ELMO1: variants seen among roughly 807,000 people sequenced by gnomAD.
The protein encoded by ELMO1 is engulfment and cell motility 1, also known as engulfment and cell motility protein 1.
Under a neutral mutation model 98.9 loss-of-function variants are expected in ELMO1, and 26 were observed. The observed-to-expected ratio is 0.26, with a 90% CI of 0.19 to 0.36. ELMO1 has a LOEUF of 0.36. Among genes scored for constraint, ELMO1 ranks in the 10% least tolerant of loss-of-function variants. The pLI is 1.00. For missense variants in ELMO1, 627 were observed against 935.2 expected, an observed-to-expected ratio of 0.67 and a Z score of 4.30; for synonymous variants, 346 against 346.0, an observed-to-expected ratio of 1.00 and a Z score of 0.00.
intron 14 of ELMO1, among the ~76,000 whole-genome samples, chr7:37,111,045 T>G (rs1194424957): frequency 6.6e-6 from 1 of 152,238 alleles, no homozygotes; most frequent in Non-Finnish European, 1.5e-5. Flanking sequence ...TCTACCAGCA[T>G]CAGCTGCCCC....
intron 21 of ELMO1, among the ~76,000 whole-genome samples, chr7:36,859,679 T>G (rs1802465673): frequency 1.3e-5 from 2 of 152,198 alleles, no homozygotes; most frequent in Admixed American, 6.5e-5. Flanking sequence ...TTTCCCTCTT[T>G]TAAATGGGGA....
intron 16 of ELMO1, among the ~76,000 whole-genome samples, chr7:36,911,513 A>C (rs1784341039): frequency 6.6e-6 from 1 of 152,180 alleles, no homozygotes; most frequent in Admixed American, 6.5e-5. Context: ...ATGATACTTT[A>C]CTGGTATAAA....
At chr7:37,170,302 G>A (rs1432736405) in intron 13 of ELMO1, among the ~76,000 whole-genome samples, 6 of 152,328 alleles carry the variant, frequency 3.9e-5, no homozygotes, top group Non-Finnish European at 7.3e-5. Flanking sequence ...GACAGCAGTC[G>A]CAAAGCAATT....
chr7:37,042,715 C>T (rs916541653), intron 15 of ELMO1, among the ~76,000 whole-genome samples: 10 of 152,154 alleles, frequency 6.6e-5, no homozygotes, highest in Non-Finnish European at 7.3e-5. Flanking sequence ...GCCTCATTTC[C>T]AACTGTAAAG....
chr7:37,169,692 C>T (rs754144848), intron 13 of ELMO1, among the ~76,000 whole-genome samples: 61 of 152,114 alleles, frequency 4.0e-4, no homozygotes, highest in Admixed American at 1.6e-3. Context: ...AGATGGGTCA[C>T]GTGCCGACAT....
chr7:37,283,991 C>T (rs1339683685), intron 4 of ELMO1, among the ~76,000 whole-genome samples: 3 of 152,168 alleles, frequency 2.0e-5, no homozygotes, highest in Non-Finnish European at 4.4e-5. Context: ...TTCTTCTGGA[C>T]CCATAAGAGT....
chr7:36,941,237 T>A (rs1321721215), intron 16 of ELMO1, among the ~76,000 whole-genome samples: 1 of 152,248 alleles, frequency 6.6e-6, no homozygotes, highest in African/African-American at 2.4e-5. Flanking sequence ...TAAGGTATAT[T>A]CAGAAGTCAC....
intron 16 of ELMO1, among the ~76,000 whole-genome samples, chr7:36,938,060 C>A (rs1452932619): frequency 6.6e-6 from 1 of 152,182 alleles, no homozygotes; most frequent in African/African-American, 2.4e-5. Context: ...ATGAAACATC[C>A]TCCATCCTTT....
intron 1 of ELMO1, among the ~76,000 whole-genome samples, chr7:37,426,139 TTTC>T (rs1804691284): frequency 7.3e-6 from 1 of 137,882 alleles, no homozygotes; most frequent in African/African-American, 2.8e-5. Flanking sequence ...TCTTTTTTTC[TTTC>T]TTTTTTTTTT....
chr7:37,250,559 G>A (rs935367513), intron 6 of ELMO1, among the ~76,000 whole-genome samples: 10 of 151,988 alleles, frequency 6.6e-5, no homozygotes, highest in Admixed American at 1.3e-4. Context: ...TTGGGAGGCC[G>A]AGGCGGGTGG....
intron 7 of ELMO1, among the ~76,000 whole-genome samples, chr7:37,240,942 G>A (rs1473408657): frequency 6.6e-6 from 1 of 152,022 alleles, no homozygotes; most frequent in East Asian, 1.9e-4. Context: ...CTGTTATTGA[G>A]TCTGATGCTT....
chr7:37,382,473 T>A (rs1291539652), intron 1 of ELMO1, among the ~76,000 whole-genome samples: 1 of 152,184 alleles, frequency 6.6e-6, no homozygotes, highest in African/African-American at 2.4e-5. Context: ...GTAATTTTTT[T>A]AAAAGCAGAA....
At chr7:37,100,327 C>A (rs1379724727) in intron 14 of ELMO1, among the ~76,000 whole-genome samples, 1 of 152,214 alleles carries the variant, frequency 6.6e-6, no homozygotes, top group Non-Finnish European at 1.5e-5. Context: ...GCTGCAGTGT[C>A]CCCACAGACT....
chr7:37,439,307 T>C (rs1338715128), intron 1 of ELMO1, among the ~76,000 whole-genome samples: 1 of 152,264 alleles, frequency 6.6e-6, no homozygotes, highest in African/African-American at 2.4e-5. Context: ...CTGTCCTCCA[T>C]CACCCTGATT....
intron 15 of ELMO1, among the ~76,000 whole-genome samples, chr7:37,060,389 G>C (rs1796604230): frequency 6.8e-6 from 1 of 147,916 alleles, no homozygotes; most frequent in African/African-American, 2.5e-5. Context: ...CCGGTATCCT[G>C]AGTGAATTAA....
At chr7:37,305,437 G>A (rs1033660352) in intron 4 of ELMO1, among the ~76,000 whole-genome samples, 13 of 108,640 alleles carry the variant, frequency 1.2e-4, no homozygotes, top group Non-Finnish European at 5.7e-5. Flanking sequence ...ATCCAGCACA[G>A]TACAGATAGT....
intron 13 of ELMO1, among the ~76,000 whole-genome samples, chr7:37,204,463 C>CA (rs1407991285): frequency 6.6e-6 from 1 of 152,136 alleles, no homozygotes; most frequent in Non-Finnish European, 1.5e-5. Flanking sequence ...AATGAAGCTG[C>CA]AGACCTTCGC....
At chr7:37,216,614 C>A (rs755266773) in intron 11 of ELMO1, 31 bp downstream of exon 11, 12 of 1,613,364 alleles carry the variant, frequency 7.4e-6, no homozygotes, top group East Asian at 6.7e-5. Context: ...ACTCCTCCCC[C>A]ACAAAGAGGT....
intron 4 of ELMO1, among the ~76,000 whole-genome samples, chr7:37,272,856 C>T (rs1162230863): frequency 6.6e-6 from 1 of 152,084 alleles, no homozygotes; most frequent in Non-Finnish European, 1.5e-5. Context: ...TAAATGGTTG[C>T]CTAAGGCTGG....
Sources: allele counts gnomAD v4.1 joint callset (sites outside exome capture counted in the v4.1 genomes callset), GRCh38; gene constraint gnomAD v4.1.1; transcripts MANE v1.5; gene names NCBI Gene and HGNC (gene_info 2026-07-23, HGNC 2026-07-21).